EPM2A: variants seen among roughly 807,000 people sequenced by gnomAD.
EPM2A encodes the protein EPM2A glucan phosphatase, laforin.
EPM2A carries 21 observed loss-of-function variants against 26.5 expected under a neutral mutation model. The ratio of observed to expected loss-of-function variants is 0.79; its 90% CI spans 0.56 to 1.14. The LOEUF is 1.14. Ranked by LOEUF, EPM2A falls within the 50% of genes most tolerant of loss-of-function variation. EPM2A has a pLI of 0.00. For missense variants in EPM2A, 458 were observed against 440.8 expected, an observed-to-expected ratio of 1.04 and a Z score of -0.35; for synonymous variants, 217 against 177.6, an observed-to-expected ratio of 1.22 and a Z score of -1.76.
At chr6:145,715,302 C>T (rs963145653) in intron 1 of EPM2A, among the ~76,000 whole-genome samples, 20 of 152,062 alleles carry the variant, frequency 1.3e-4, no homozygotes, top group Admixed American at 5.9e-4. Context: ...CAGGTACACT[C>T]ACTCTGACTG....
chr6:145,688,698 T>C (rs556579320), intron 1 of EPM2A, among the ~76,000 whole-genome samples: 3 of 152,066 alleles, frequency 2.0e-5, no homozygotes, highest in Non-Finnish European at 4.4e-5. Context: ...AGGAAAAAAG[T>C]TCTAGAACAA....
intron 4 of EPM2A, among the ~76,000 whole-genome samples, chr6:145,396,390 A>C (rs1239926499): frequency 1.3e-5 from 2 of 152,118 alleles, no homozygotes; most frequent in African/African-American, 2.4e-5. Flanking sequence ...ATAAAACAAA[A>C]TTGTTCTTTA....
intron 2 of EPM2A, among the ~76,000 whole-genome samples, chr6:145,644,823 A>G (rs1777342635): frequency 6.6e-6 from 1 of 152,178 alleles, no homozygotes; most frequent in Admixed American, 6.6e-5. Flanking sequence ...GGATGTGAAA[A>G]TCAGAAAGGC....
At chr6:145,509,020 C>T (rs1780016863) in intron 2 of EPM2A, among the ~76,000 whole-genome samples, 1 of 151,788 alleles carries the variant, frequency 6.6e-6, no homozygotes, top group South Asian at 2.1e-4. Flanking sequence ...TCAAATCAAC[C>T]AAGTCAGACA....
chr6:145,732,236 T>TGC (rs1554269057), intron 1 of EPM2A, among the ~76,000 whole-genome samples: 11,491 of 131,980 alleles, frequency 0.087, 625 homozygotes, highest in Admixed American at 0.15. Context: ...TGTGTGTGTG[T>TGC]GCGCGCCAAA....
downstream of EPM2A, among the ~76,000 whole-genome samples, chr6:145,624,739 C>A (rs1775710221): frequency 6.6e-6 from 1 of 152,192 alleles, no homozygotes; most frequent in African/African-American, 2.4e-5. Flanking sequence ...TATTTCCTAA[C>A]TCACTTTCAA....
downstream of EPM2A, among the ~76,000 whole-genome samples, chr6:145,622,757 C>A (rs1347040344): frequency 3.3e-5 from 5 of 152,180 alleles, no homozygotes; most frequent in Non-Finnish European, 7.3e-5. Context: ...GCTGCTCACC[C>A]TTTCATCTCC....
intron 2 of EPM2A, among the ~76,000 whole-genome samples, chr6:145,609,816 GC>G (rs1775351652): frequency 6.6e-6 from 1 of 152,200 alleles, no homozygotes; most frequent in Non-Finnish European, 1.5e-5. Flanking sequence ...AGGAAAAACA[GC>G]AAATTGGGAA....
chr6:145,509,735 AT>A (rs1263685786), intron 2 of EPM2A, among the ~76,000 whole-genome samples: 1 of 152,192 alleles, frequency 6.6e-6, no homozygotes, highest in East Asian at 1.9e-4. Flanking sequence ...CTATATCAAT[AT>A]TAACCTTGAA....
At chr6:145,437,367 A>T (rs1186055669) in intron 4 of EPM2A, among the ~76,000 whole-genome samples, 1 of 152,130 alleles carries the variant, frequency 6.6e-6, no homozygotes, top group African/African-American at 2.4e-5. Context: ...TTCATAAATT[A>T]CCCAGTCTCA....
intron 2 of EPM2A, among the ~76,000 whole-genome samples, chr6:145,650,305 C>CT (rs1223517438): frequency 7.2e-5 from 11 of 152,136 alleles, no homozygotes; most frequent in African/African-American, 2.7e-4. Context: ...AATCCCAGCA[C>CT]TTTGGGAGGC....
At chr6:145,526,461 C>G (rs1196201913) in intron 2 of EPM2A, among the ~76,000 whole-genome samples, 1 of 151,852 alleles carries the variant, frequency 6.6e-6, no homozygotes, top group Non-Finnish European at 1.5e-5. Context: ...ATTACTGATT[C>G]ATTTTCAGAG....
chr6:145,398,081 G>A (rs1778430227), intron 4 of EPM2A, among the ~76,000 whole-genome samples: 1 of 143,516 alleles, frequency 7.0e-6, no homozygotes, highest in Non-Finnish European at 1.5e-5. Flanking sequence ...TGTTTTAATT[G>A]TTATATCTGT....
chr6:145,573,300 T>A (rs1338026293), intron 2 of EPM2A, among the ~76,000 whole-genome samples: 3 of 152,242 alleles, frequency 2.0e-5, no homozygotes, highest in African/African-American at 7.2e-5. Context: ...CCTTACCAGC[T>A]GAAGGCAAAT....
intron 4 of EPM2A, among the ~76,000 whole-genome samples, chr6:145,438,229 A>G (rs1779013667): frequency 6.6e-6 from 1 of 152,178 alleles, no homozygotes; most frequent in Non-Finnish European, 1.5e-5. Flanking sequence ...CTTATGGACA[A>G]GAGAACGGAA....
intron 2 of EPM2A, among the ~76,000 whole-genome samples, chr6:145,665,510 A>G (rs7772292): frequency 2.0e-5 from 2 of 102,516 alleles, no homozygotes; most frequent in African/African-American, 4.1e-5. Context: ...GCTGAAATTG[A>G]GGCAATAATC....
rs192011851 is a variant in EPM2A at position 145,703,338 on chromosome 6, G to T, written c.302-17042C>A. ...GATCTCCTGACCTTGTGATCTGCCC[G>T]CCTCGACCTCCCAAAGTGCTGGGAT... is the stretch of plus-strand genomic sequence containing the variant. On this transcript the variant is annotated intron_variant, in intron 1 of 3. Coordinates refer to ENST00000367519, the MANE Select transcript of EPM2A (RefSeq NM_005670.4). Among the ~76,000 whole-genome samples the T allele has an allele frequency of 3.9e-5, 6 of 151,978 alleles. No homozygotes were observed. In the South Asian group the frequency reaches 1.2e-3, roughly 32 times the overall value.
downstream of EPM2A, among the ~76,000 whole-genome samples, chr6:145,623,125 T>C (rs1412597020): frequency 2.0e-5 from 3 of 152,102 alleles, no homozygotes; most frequent in African/African-American, 7.3e-5. Flanking sequence ...CATTTAACTA[T>C]GTCAGGCTCT....
chr6:145,507,747 A>G (rs1349733746), intron 2 of EPM2A, among the ~76,000 whole-genome samples: 2 of 152,174 alleles, frequency 1.3e-5, no homozygotes, highest in Non-Finnish European at 2.9e-5. Flanking sequence ...GTGAGTATGG[A>G]GAGTGTCCCA....
Sources: allele counts gnomAD v4.1 joint callset (sites outside exome capture counted in the v4.1 genomes callset), GRCh38; gene constraint gnomAD v4.1.1; transcripts MANE v1.5; gene names NCBI Gene and HGNC (gene_info 2026-07-23, HGNC 2026-07-21).